The following ELFN2 variants were observed in gnomAD, a reference collection of about 807,000 sequenced individuals.
ELFN2 encodes protein phosphatase 1 regulatory subunit 29.
In ELFN2, 17 loss-of-function variants were observed where a neutral mutation model predicts 45.5. That is an observed-to-expected ratio of 0.37 (90% confidence interval 0.26 to 0.56). The LOEUF is 0.56. Ranked by LOEUF, ELFN2 falls within the 20% of genes least tolerant of loss-of-function variation. The pLI is 0.77. For missense variants in ELFN2, 922 were observed against 1,183.2 expected (o/e 0.78, Z 3.24); for synonymous variants, 550 against 551.5 (o/e 1.00, Z 0.04).
chr22:37,375,364 C>T lies in ELFN2; in HGVS notation c.171G>A (p.Val57=). The change falls in exon 3 of 3, where the codon GTG becomes GTA. Residue 57 remains valine (V), a synonymous_variant. Transcript: ENST00000402918. ...ETIPQHINST[V]HDLRLNENKL... ...TGTTCTCGTTGAGCCGCAGGTCGTG[C>T]ACGGTGCTATTGATGTGCTGCGGGA... 1.9e-6 allele frequency: 3 copies of T among 1,614,148 alleles called. No individual in the cohort carries two copies. The highest frequency in any genetic ancestry group is 1.1e-5 in the South Asian group (1 of 91,074).
At chr22:37,360,362 G>A (rs545199353) in intron 1 of ELFN2, among the ~76,000 whole-genome samples, 7 of 152,328 alleles carry the variant, frequency 4.6e-5, no homozygotes, top group Admixed American at 1.3e-4. Context: ...GTCCATACAC[G>A]GAGGGTAAAA....
intron 2 of ELFN2, among the ~76,000 whole-genome samples, chr22:37,397,162 C>T (rs1229437187): frequency 6.6e-6 from 1 of 152,166 alleles, no homozygotes; most frequent in Non-Finnish European, 1.5e-5. Flanking sequence ...CTCCACTCCA[C>T]AGCACCCCCA....
At chr22:37,379,773 G>A (rs756740402) in intron 2 of ELFN2, among the ~76,000 whole-genome samples, 5 of 152,122 alleles carry the variant, frequency 3.3e-5, no homozygotes, top group African/African-American at 4.8e-5. Flanking sequence ...AGACCCCAAA[G>A]TCACTCTCAG....
rs1266332776 is a variant in ELFN2, at chr22:37,372,920, G to C, written c.*152C>G. 1 of 746,200 alleles carries C rather than the reference G, an allele frequency of 1.3e-6. No individual in the cohort carries two copies. Among genetic ancestry groups the C allele is most frequent in the Non-Finnish European group, 2.1e-6 (1 of 473,158 alleles). 46.2% of individuals were successfully genotyped at this position (746,200 alleles called of 1,614,324 possible). On this transcript the variant is annotated 3_prime_UTR_variant, in exon 3 of 3. Coordinates refer to ENST00000402918, the MANE Select transcript of ELFN2 (RefSeq NM_052906.5). The surrounding 1 kb of genome is among the most constrained non-coding windows in gnomAD (Gnocchi z 4.4). ...TTGTTCACAGTCGGGTGGTGGTCAG[G>C]TGTGTGTGTGCGTGCGTGCGTGCGG...
chr22:37,340,881 G>A (rs1029103195), exon 3 of ELFN2: 1 of 152,288 alleles, frequency 6.6e-6, no homozygotes, highest in African/African-American at 2.4e-5. Context: ...GCCCAGGCGA[G>A]GCAATGGGCA....
chr22:37,375,527 C>A lies in ELFN2; in HGVS notation c.8G>T (p.Arg3Leu), dbSNP rs1411291891. The change falls in exon 3 of 3, where the codon CGC becomes CTC. Residue 3 changes from arginine (R) to leucine (L), a missense_variant. Physicochemically the swap from Arg to Leu is moderately radical, Grantham distance 102. Coordinates refer to ENST00000402918, the MANE Select transcript of ELFN2 (RefSeq NM_052906.5). ...CAGCGCCGCCGCGCACAGCCCCAGG[C>A]GCAGCATGGCGCTGGCCTCGGAGTG... Reference protein sequence around the residue: MLRLGLCAAALLC... With the variant: MLLLGLCAAALLC... 14 of 1,550,188 alleles carry A rather than the reference C, an allele frequency of 9.0e-6. No individual in the cohort carries two copies. The South Asian group carries it at 1.2e-4, about 13-fold the overall frequency.
At chr22:37,409,623 G>A (rs539756904) in intron 2 of ELFN2, among the ~76,000 whole-genome samples, 5 of 152,230 alleles carry the variant, frequency 3.3e-5, no homozygotes, top group Non-Finnish European at 7.3e-5. Context: ...GCAGCGTGCC[G>A]GGTCAGAGGA....
At chr22:37,419,846 C>T (rs1204740505) in intron 1 of ELFN2, among the ~76,000 whole-genome samples, 1 of 152,160 alleles carries the variant, frequency 6.6e-6, no homozygotes, top group Non-Finnish European at 1.5e-5. Context: ...CACACACCCC[C>T]TCGCCAGCAA....
intron 1 of ELFN2, among the ~76,000 whole-genome samples, chr22:37,421,433 C>T (rs1442287581): frequency 6.6e-6 from 1 of 152,208 alleles, no homozygotes; most frequent in Non-Finnish European, 1.5e-5. Context: ...GAGGCTCGCT[C>T]CACACCTGGC....
At chr22:37,346,835 C>T (rs187686053) in intron 1 of ELFN2, among the ~76,000 whole-genome samples, 6 of 152,208 alleles carry the variant, frequency 3.9e-5, no homozygotes, top group Admixed American at 3.3e-4. Flanking sequence ...ACACACAGCC[C>T]TCAGTGAAAC....
At chr22:37,358,463 A>G (rs1170974845) in intron 1 of ELFN2, among the ~76,000 whole-genome samples, 1 of 152,230 alleles carries the variant, frequency 6.6e-6, no homozygotes, top group Non-Finnish European at 1.5e-5. Context: ...CCACTTGGAC[A>G]TCTCAATGTT....
intron 2 of ELFN2, among the ~76,000 whole-genome samples, chr22:37,393,868 C>A (rs1472607406): frequency 6.6e-6 from 1 of 152,220 alleles, no homozygotes; most frequent in Non-Finnish European, 1.5e-5. Context: ...CTGCAGGCGA[C>A]ACGGAACGGG....
intron 1 of ELFN2, among the ~76,000 whole-genome samples, chr22:37,360,435 C>A (rs953280270): frequency 2.0e-5 from 3 of 152,218 alleles, no homozygotes; most frequent in Non-Finnish European, 2.9e-5. Flanking sequence ...TACCTCATGG[C>A]TCTCTTGTGA....
In ELFN2 at chr22:37,395,298, G is replaced by C. The variant is rs1022055486; in HGVS notation, c.-462-19302C>G. On this transcript the variant is annotated intron_variant, in intron 2 of 2. Coordinates refer to ENST00000402918, the MANE Select transcript of ELFN2 (RefSeq NM_052906.5). The stretch of plus-strand genomic sequence containing the variant: ...CAGCACCAGAAGAAACGTCCTAGAA[G>C]TAGTCAAGGAGCATCAATCGAGTGC... Among the ~76,000 whole-genome samples the C allele has an allele frequency of 5.3e-5, 8 of 152,222 alleles. No homozygotes were observed. The East Asian group carries it at 1.5e-3, about 29-fold the overall frequency.
chr22:37,373,836 T>A lies in ELFN2; in HGVS notation c.1699A>T (p.Ser567Cys). ...LDSASFLGGG[S>C]SSGDPELAFE... Reference sequence around the variant, plus strand: ...GCCAGCTCGGGGTCCCCACTGCTGCTGCCGCCTCCCAGAAAAGAGGCCGAG... The same window carrying A: ...GCCAGCTCGGGGTCCCCACTGCTGCAGCCGCCTCCCAGAAAAGAGGCCGAG... Residue 567 changes from serine to cysteine, a missense_variant, in exon 3 of 3, where the codon AGC becomes TGC. By Grantham distance (112) the Ser-to-Cys change is moderately radical. This residue lies in a region of ELFN2 where 564 missense variants were observed against 642.8 expected (regional missense o/e 0.88). Coordinates refer to ENST00000402918, the MANE Select transcript of ELFN2 (RefSeq NM_052906.5). 1 of 1,613,020 alleles carries A rather than the reference T, an allele frequency of 6.2e-7. No homozygotes were observed. Among genetic ancestry groups the A allele is most frequent in the South Asian group, 1.1e-5 (1 of 91,082 alleles).
Position 37,373,284 on chromosome 22 carries a change from A to G in ELFN2, c.2251T>C (p.Tyr751His), listed in dbSNP as rs1931433163. ...STYSQLSPRHYYSGYSSSPEY... is the reference protein window; with the variant it reads ...STYSQLSPRHHYSGYSSSPEY... ...GGGCTGGAGGAGTACCCTGAGTAGT[A>G]GTGTCTGGGGGAGAGCTGCGAGTAG... Residue 751 changes from tyrosine (Y) to histidine (H), a missense_variant, in exon 3 of 3, where the codon TAC becomes CAC. Physicochemically the swap from Tyr to His is moderately conservative, Grantham distance 83. Transcript: ENST00000402918. 12 of 1,613,690 alleles carry G rather than the reference A, an allele frequency of 7.4e-6. No homozygotes were observed. The highest frequency in any genetic ancestry group is 1.0e-5 in the Non-Finnish European group (12 of 1,179,892).
chr22:37,421,688 G>A (rs1396131125), intron 1 of ELFN2, among the ~76,000 whole-genome samples: 6 of 152,210 alleles, frequency 3.9e-5, no homozygotes, highest in Non-Finnish European at 7.3e-5. Context: ...GTGTGCACGC[G>A]CCATCTGAAT....
intron 1 of ELFN2, chr22:37,426,785 A>G (rs910099243): frequency 1.4e-5 from 2 of 146,192 alleles, no homozygotes; most frequent in African/African-American, 2.5e-5. Flanking sequence ...CCACCCCCCA[A>G]TTCTGGTCTT....
chr22:37,363,933 C>A (rs1931145813), downstream of ELFN2, among the ~76,000 whole-genome samples: 1 of 152,204 alleles, frequency 6.6e-6, no homozygotes, highest in South Asian at 2.1e-4. Flanking sequence ...AGCATCAGGT[C>A]TCCTTCCTTG....
Sources: gnomAD v4.1 joint callset for allele counts (sites outside exome capture counted in the v4.1 genomes callset) on GRCh38, gnomAD v4.1.1 for gene constraint, gnomAD v4.1.1 regional missense constraint, Gnocchi (gnomAD v3.1) non-coding constraint, MANE v1.5 for transcripts, NCBI Gene and HGNC (gene_info 2026-07-23, HGNC 2026-07-21) for gene names.